MECOM: variants seen among roughly 807,000 people sequenced by gnomAD.
The protein encoded by MECOM is histone-lysine N-methyltransferase MECOM.
Under a neutral mutation model 116.3 loss-of-function variants are expected in MECOM, and 13 were observed. The observed-to-expected ratio is 0.11, with a 90% CI of 0.07 to 0.18. The LOEUF is 0.18. Among genes scored for constraint, MECOM ranks in the 10% least tolerant of loss-of-function variants. MECOM has a pLI of 1.00. For synonymous variants in MECOM, 528 were observed against 535.2 expected (o/e 0.99, Z 0.19); for missense variants, 1,299 against 1,509.0 (o/e 0.86, Z 2.31).
intron 2 of MECOM, among the ~76,000 whole-genome samples, chr3:169,255,660 A>G (rs112466578): frequency 0.01 from 1,530 of 152,316 alleles, 33 homozygotes; most frequent in African/African-American, 0.035. Context: ...CCTTACAATC[A>G]TCAAGTGTTT....
At position 169,252,266 on chromosome 3, in the gene MECOM, C is replaced by A. The variant is rs145757576; in HGVS notation, c.376-108434G>T. On this transcript the variant is annotated intron_variant, in intron 2 of 16. Transcript: ENST00000651503. ...ATCTTTGACAAATAGGAGTATAAATCAAACAAAAATTCTTCACAAAATGAG... is the reference window on the plus strand; with the variant it reads ...ATCTTTGACAAATAGGAGTATAAATAAAACAAAAATTCTTCACAAAATGAG... 6.2e-3 allele frequency among the ~76,000 whole-genome samples: 948 copies of A among 151,948 alleles called. 7 individuals carry two copies. Among genetic ancestry groups the A allele is most frequent in the Admixed American group, 0.01 (154 of 15,242 alleles).
Position 169,663,387 on chromosome 3 carries a change from T to A in MECOM, c.-15A>T, listed in dbSNP as rs764261848. The stretch of plus-strand genomic sequence containing the variant: ...TTGGATCTCATGCTGTGCCCAGTCC[T>A]GCAGCCGCTGGTGTGTGGTTGGGGC... On this transcript the variant is annotated 5_prime_UTR_variant, in exon 1 of 17. Coordinates refer to ENST00000651503, the MANE Select transcript of MECOM (RefSeq NM_004991.4). 1 of 1,608,666 alleles carries A rather than the reference T, an allele frequency of 6.2e-7. No individual in the cohort carries two copies. The highest frequency in any genetic ancestry group is 8.5e-7 in the Non-Finnish European group (1 of 1,177,636).
At chr3:169,133,370 C>T (rs920206812) in intron 3 of MECOM, 3 of 152,106 alleles carry the variant, frequency 2.0e-5, no homozygotes, top group African/African-American at 7.2e-5. Context: ...CAGTAGGTGG[C>T]TCTAAAGTCC....
intron 1 of MECOM, among the ~76,000 whole-genome samples, chr3:169,519,849 C>T (rs934141260): frequency 1.2e-4 from 18 of 152,246 alleles, no homozygotes; most frequent in African/African-American, 4.3e-4. Context: ...TAGATAACCC[C>T]CCCTTGCCCA....
At chr3:169,510,351 C>T (rs1393102944) in intron 1 of MECOM, among the ~76,000 whole-genome samples, 1 of 152,218 alleles carries the variant, frequency 6.6e-6, no homozygotes, top group Non-Finnish European at 1.5e-5. Flanking sequence ...TTTTGAGCCT[C>T]TTTGCTTTTT....
intron 2 of MECOM, among the ~76,000 whole-genome samples, chr3:169,242,560 C>A (rs1168966218): frequency 6.6e-6 from 1 of 152,096 alleles, no homozygotes; most frequent in Non-Finnish European, 1.5e-5. Flanking sequence ...TCCGACTGCT[C>A]GGCGCCAACC....
chr3:169,489,754 C>A (rs1272491611), intron 1 of MECOM, among the ~76,000 whole-genome samples: 1 of 152,050 alleles, frequency 6.6e-6, no homozygotes. Context: ...CAAATAAATA[C>A]CTAAATATGT....
At chr3:169,597,868 G>A (rs1228239972) in intron 1 of MECOM, among the ~76,000 whole-genome samples, 1 of 152,186 alleles carries the variant, frequency 6.6e-6, no homozygotes, top group East Asian at 1.9e-4. Context: ...GTGTCATACA[G>A]AGACAATTTC....
intron 2 of MECOM, among the ~76,000 whole-genome samples, chr3:169,251,011 C>T (rs1227203724): frequency 6.6e-6 from 1 of 152,162 alleles, no homozygotes; most frequent in Non-Finnish European, 1.5e-5. Flanking sequence ...CTAATAAACA[C>T]TGAAGCACCG....
At chr3:169,562,139 CAAAAAAAAAAAA>C (rs10714325) in intron 1 of MECOM, among the ~76,000 whole-genome samples, 1 of 25,282 alleles carries the variant, frequency 4.0e-5, no homozygotes, top group Non-Finnish European at 7.7e-5. Context: ...GAGCAATACT[CAAAAAAAAAAAA>C]AAAAAAAAAA....
At chr3:169,379,954 G>A (rs909211423) in intron 2 of MECOM, among the ~76,000 whole-genome samples, 1 of 152,084 alleles carries the variant, frequency 6.6e-6, no homozygotes, top group Admixed American at 6.6e-5. Context: ...CTTTACTGGG[G>A]CTATGGTTAA....
intron 1 of MECOM, among the ~76,000 whole-genome samples, chr3:169,581,301 A>T (rs1423925085): frequency 6.6e-6 from 1 of 152,066 alleles, no homozygotes; most frequent in Non-Finnish European, 1.5e-5. Flanking sequence ...ATTATCGATA[A>T]GTTCTTCTTT....
chr3:169,464,330 A>C (rs1336113128), intron 1 of MECOM, among the ~76,000 whole-genome samples: 1 of 152,168 alleles, frequency 6.6e-6, no homozygotes, highest in African/African-American at 2.4e-5. Flanking sequence ...TGGGCATTTA[A>C]ATGTAAAACA....
intron 2 of MECOM, among the ~76,000 whole-genome samples, chr3:169,277,564 C>T (rs1759760778): frequency 6.6e-6 from 1 of 152,204 alleles, no homozygotes; most frequent in Non-Finnish European, 1.5e-5. Context: ...AGCCAGTCCC[C>T]TAACCTCCCT....
intron 2 of MECOM, among the ~76,000 whole-genome samples, chr3:169,304,182 C>T (rs1156693074): frequency 2.0e-5 from 3 of 152,154 alleles, no homozygotes; most frequent in African/African-American, 7.2e-5. Context: ...AATAGTTAAT[C>T]CAGCTGTGCA....
chr3:169,497,342 C>CTTTTTTTTT (rs1349446825), intron 1 of MECOM, among the ~76,000 whole-genome samples: 1 of 150,090 alleles, frequency 6.7e-6, no homozygotes, highest in African/African-American at 2.4e-5. Context: ...TTCTCTTTTT[C>CTTTTTTTTT]TTTTTCTTTT....
At chr3:169,133,419 T>C (rs1380162129) in intron 3 of MECOM, 1 of 152,358 alleles carries the variant, frequency 6.6e-6, no homozygotes, top group Non-Finnish European at 1.5e-5. Flanking sequence ...GAGCACAAAA[T>C]TGTGCTAAAT....
intron 2 of MECOM, among the ~76,000 whole-genome samples, chr3:169,222,545 C>T (rs1429080360): frequency 6.6e-6 from 1 of 152,124 alleles, no homozygotes; most frequent in African/African-American, 2.4e-5. Flanking sequence ...AGTGTGAGTG[C>T]TGTTGGGTTT....
At chr3:169,619,504 T>C (rs1770444148) in intron 1 of MECOM, among the ~76,000 whole-genome samples, 1 of 152,148 alleles carries the variant, frequency 6.6e-6, no homozygotes, top group Non-Finnish European at 1.5e-5. Context: ...TCACTGTCTC[T>C]TTCCTCCCTT....
Sources: gnomAD v4.1 joint callset for allele counts (sites outside exome capture counted in the v4.1 genomes callset) on GRCh38, gnomAD v4.1.1 for gene constraint, MANE v1.5 for transcripts, NCBI Gene and HGNC (gene_info 2026-07-23, HGNC 2026-07-21) for gene names.